DCC: variants seen among roughly 807,000 people sequenced by gnomAD.
The protein encoded by DCC is DCC netrin 1 receptor.
A neutral mutation model predicts 172.5 loss-of-function variants in DCC; 58 were observed. That is an observed-to-expected ratio of 0.34 (90% CI 0.27 to 0.42). DCC has a LOEUF of 0.42. Among genes scored for constraint, DCC ranks in the 10% least tolerant of loss-of-function variants. The pLI is 1.00. For synonymous variants in DCC, 709 were observed against 644.5 expected (o/e 1.10, Z -1.52); for missense variants, 1,740 against 1,791.0 (o/e 0.97, Z 0.51).
At chr18:52,615,544 T>C (rs2034363693) in intron 1 of DCC, among the ~76,000 whole-genome samples, 1 of 152,214 alleles carries the variant, frequency 6.6e-6, no homozygotes, top group Non-Finnish European at 1.5e-5. Context: ...TCCTTGTCAG[T>C]GTCTTGATCT....
chr18:52,823,655 T>C (rs541591046), intron 2 of DCC, among the ~76,000 whole-genome samples: 27 of 152,308 alleles, frequency 1.8e-4, no homozygotes, highest in African/African-American at 6.0e-4. Flanking sequence ...TGAGCTTTTA[T>C]AAATTGTGTT....
chr18:52,497,639 G>A (rs2030854509), intron 1 of DCC, among the ~76,000 whole-genome samples: 1 of 151,966 alleles, frequency 6.6e-6, no homozygotes, highest in African/African-American at 2.4e-5. Flanking sequence ...ATTGCTATTA[G>A]TAGTAGGTGC....
Position 53,339,912 on chromosome 18 carries a change from G to GT in DCC, c.2359+6dup. 1 of 1,611,172 alleles carries GT rather than the reference G, an allele frequency of 6.2e-7. No individual in the cohort carries two copies. On this transcript the variant is annotated splice_donor_region_variant and intron_variant, in intron 15 of 28. Coordinates refer to ENST00000442544, the MANE Select transcript of DCC (RefSeq NM_005215.4). ...ATTATTCCATTGAGAGGTTAGGTGA[G>GT]TATCTGTGATTTTTTTTATTCTATT... is the stretch of plus-strand genomic sequence containing the variant.
intron 7 of DCC, among the ~76,000 whole-genome samples, chr18:53,078,354 A>G (rs138905120): frequency 3.4e-4 from 52 of 152,308 alleles, no homozygotes; most frequent in Non-Finnish European, 7.1e-4. Context: ...ACAAAGAATC[A>G]CAAATGAGAG....
chr18:52,445,810 T>A (rs2144504759), intron 1 of DCC, among the ~76,000 whole-genome samples: 1 of 152,346 alleles, frequency 6.6e-6, no homozygotes, highest in East Asian at 1.9e-4. Context: ...GAATCTAGCA[T>A]TGCTGGTCTT....
chr18:52,713,120 G>A (rs75661517), intron 1 of DCC, among the ~76,000 whole-genome samples: 2,500 of 152,278 alleles, frequency 0.016, 55 homozygotes, highest in African/African-American at 0.057. Context: ...AAGGAGTGTC[G>A]AGGGACTTGT....
chr18:52,662,340 G>A (rs725942), intron 1 of DCC, among the ~76,000 whole-genome samples: 16,389 of 152,090 alleles, frequency 0.11, 983 homozygotes, highest in Middle Eastern at 0.22. Flanking sequence ...AGGAGGAAAT[G>A]ATAATAGAAA....
At chr18:53,019,934 A>G (rs1321231686) in intron 5 of DCC, among the ~76,000 whole-genome samples, 1 of 152,146 alleles carries the variant, frequency 6.6e-6, no homozygotes. Flanking sequence ...TTTAAGGAAC[A>G]TATTAGAGAA....
At chr18:52,883,350 A>ATTTATT (rs1270659885) in intron 2 of DCC, among the ~76,000 whole-genome samples, 9 of 34,104 alleles carry the variant, frequency 2.6e-4, no homozygotes, top group African/African-American at 6.0e-4. Context: ...TTATTTATTT[A>ATTTATT]TGTGTGTGTG....
chr18:52,345,221 T>A (rs189235969), intron 1 of DCC, among the ~76,000 whole-genome samples: 3 of 152,354 alleles, frequency 2.0e-5, no homozygotes, highest in Non-Finnish European at 4.4e-5. Context: ...AAGAATAATG[T>A]CACAAACCTG....
intron 2 of DCC, among the ~76,000 whole-genome samples, chr18:52,794,070 G>T (rs1412448624): frequency 6.6e-6 from 1 of 152,070 alleles, no homozygotes; most frequent in East Asian, 1.9e-4. Flanking sequence ...TGTAGTATAT[G>T]TTAGGTAGTA....
intron 1 of DCC, among the ~76,000 whole-genome samples, chr18:52,409,540 G>A (rs1219633425): frequency 6.6e-6 from 1 of 152,140 alleles, no homozygotes; most frequent in African/African-American, 2.4e-5. Context: ...TGGATTTAGA[G>A]CCAGCGGCCT....
intron 27 of DCC, among the ~76,000 whole-genome samples, chr18:53,520,707 CA>C (rs1249786506): frequency 6.6e-6 from 1 of 152,060 alleles, no homozygotes; most frequent in Non-Finnish European, 1.5e-5. Flanking sequence ...GAGTTATGCA[CA>C]ACCAGGAACA....
rs191982396 is a variant in DCC, at chr18:52,783,819, A to G, written c.412+31445A>G. On this transcript the variant is annotated intron_variant, in intron 2 of 28. Transcript: ENST00000442544. Reference sequence around the variant, plus strand: ...CAATACATACTTCATAAATTGATGCATAATGATTGTGCATATTTATGGGGT... The same window carrying G: ...CAATACATACTTCATAAATTGATGCGTAATGATTGTGCATATTTATGGGGT... Among the ~76,000 whole-genome samples, 687 of 152,172 alleles carry G rather than the reference A, an allele frequency of 4.5e-3. 6 individuals carry two copies. Among genetic ancestry groups the G allele is most frequent in the African/African-American group, 0.016 (663 of 41,546 alleles).
intron 26 of DCC, among the ~76,000 whole-genome samples, chr18:53,492,364 T>C (rs1198552935): frequency 6.6e-6 from 1 of 152,178 alleles, no homozygotes; most frequent in Non-Finnish European, 1.5e-5. Flanking sequence ...GGTGTTTTAG[T>C]CATGAAGTCT....
intron 5 of DCC, among the ~76,000 whole-genome samples, chr18:53,026,420 T>C (rs939745564): frequency 1.3e-5 from 2 of 152,178 alleles, no homozygotes; most frequent in Non-Finnish European, 2.9e-5. Flanking sequence ...TAGGAAGCAG[T>C]GATTTTTTGA....
chr18:53,039,237 A>G (rs1439187442), intron 5 of DCC, among the ~76,000 whole-genome samples: 1 of 152,056 alleles, frequency 6.6e-6, no homozygotes, highest in African/African-American at 2.4e-5. Flanking sequence ...AGGTCTCTGC[A>G]CAATGCCAAG....
At chr18:52,800,144 A>G (rs2037957253) in intron 2 of DCC, among the ~76,000 whole-genome samples, 2 of 152,226 alleles carry the variant, frequency 1.3e-5, no homozygotes, top group Non-Finnish European at 2.9e-5. Flanking sequence ...TAGTTACTGC[A>G]GAGTTCCTAG....
At chr18:53,445,179 T>C (rs1013166358) in intron 22 of DCC, among the ~76,000 whole-genome samples, 3 of 152,174 alleles carry the variant, frequency 2.0e-5, no homozygotes, top group Admixed American at 6.5e-5. Context: ...AGCTGATTGA[T>C]TACAGCATCT....
Sources: gnomAD v4.1 joint callset for allele counts (sites outside exome capture counted in the v4.1 genomes callset) on GRCh38, gnomAD v4.1.1 for gene constraint, MANE v1.5 for transcripts, NCBI Gene and HGNC (gene_info 2026-07-23, HGNC 2026-07-21) for gene names.